DPYD: variants seen among roughly 807,000 people sequenced by gnomAD.
DPYD encodes the protein dihydropyrimidine dehydrogenase, also known as dihydropyrimidine dehydrogenase [NADP(+)].
In DPYD, 109 loss-of-function variants were observed where a neutral mutation model predicts 116.2. The observed-to-expected ratio is 0.94, with a 90% CI of 0.80 to 1.10. The LOEUF is 1.10. Among genes scored for constraint, DPYD ranks in the 50% least tolerant of loss-of-function variants. The pLI is 0.00. For missense variants in DPYD, 1,302 were observed against 1,254.5 expected (o/e 1.04, Z -0.57); for synonymous variants, 440 against 432.0 (o/e 1.02, Z -0.23).
At chr1:97,232,541 T>C (rs1661651340) in intron 19 of DPYD, among the ~76,000 whole-genome samples, 1 of 152,174 alleles carries the variant, frequency 6.6e-6, no homozygotes. Flanking sequence ...TTACATCTTT[T>C]GTTATAGTCC....
intron 2 of DPYD, among the ~76,000 whole-genome samples, chr1:97,864,501 T>C (rs934777171): frequency 4.0e-5 from 6 of 151,772 alleles, no homozygotes; most frequent in African/African-American, 1.5e-4. Flanking sequence ...AGAAGTCTAG[T>C]AGGCATCTCT....
intron 20 of DPYD, among the ~76,000 whole-genome samples, chr1:97,141,579 T>C (rs572597986): frequency 4.8e-4 from 73 of 152,268 alleles, no homozygotes; most frequent in African/African-American, 1.7e-3. Flanking sequence ...CTTCCATACT[T>C]TTGAGCTCCC....
intron 22 of DPYD, among the ~76,000 whole-genome samples, chr1:97,080,316 A>AT (rs978756946): frequency 2.0e-5 from 3 of 151,784 alleles, no homozygotes; most frequent in African/African-American, 4.8e-5. Context: ...CATTATTTTG[A>AT]TTTTTTTCCT....
At chr1:97,572,280 C>A (rs1424851570) in intron 11 of DPYD, among the ~76,000 whole-genome samples, 2 of 151,868 alleles carry the variant, frequency 1.3e-5, no homozygotes, top group Admixed American at 6.6e-5. Context: ...TAACTTAAAT[C>A]TTTTATTCTT....
At chr1:97,837,698 G>GT (rs574209591) in intron 2 of DPYD, among the ~76,000 whole-genome samples, 97 of 152,128 alleles carry the variant, frequency 6.4e-4, no homozygotes, top group Non-Finnish European at 1.3e-3. Flanking sequence ...TTCTAAAATT[G>GT]TAAGTATTAG....
intron 10 of DPYD, among the ~76,000 whole-genome samples, chr1:97,587,033 T>C (rs1654175014): frequency 1.3e-5 from 2 of 152,190 alleles, no homozygotes; most frequent in African/African-American, 2.4e-5. Flanking sequence ...ACTAATTTTA[T>C]AGATGGGCAT....
chr1:97,273,337 A>G (rs1294073081), intron 18 of DPYD, among the ~76,000 whole-genome samples: 1 of 152,178 alleles, frequency 6.6e-6, no homozygotes, highest in African/African-American at 2.4e-5. Flanking sequence ...TCTTTGCAAA[A>G]AAGGAATGCA....
intron 12 of DPYD, among the ~76,000 whole-genome samples, chr1:97,518,278 T>C (rs1269357755): frequency 6.6e-6 from 1 of 152,100 alleles, no homozygotes; most frequent in East Asian, 1.9e-4. Flanking sequence ...CTACTATGTA[T>C]ATGTGTTTAT....
chr1:97,359,541 G>T (rs555892298), intron 16 of DPYD, among the ~76,000 whole-genome samples: 1 of 152,282 alleles, frequency 6.6e-6, no homozygotes, highest in South Asian at 2.1e-4. Flanking sequence ...AGGAAAAAAT[G>T]TTAAGGGCAG....
intron 8 of DPYD, among the ~76,000 whole-genome samples, chr1:97,619,162 T>G (rs1002123764): frequency 6.6e-6 from 1 of 152,220 alleles, no homozygotes; most frequent in African/African-American, 2.4e-5. Flanking sequence ...AAATCTTACA[T>G]TCTAGAAAAG....
chr1:97,568,573 C>A (rs1652689162), intron 11 of DPYD, among the ~76,000 whole-genome samples: 1 of 151,834 alleles, frequency 6.6e-6, no homozygotes, highest in Non-Finnish European at 1.5e-5. Context: ...CCACTCTCAG[C>A]CAATATACCA....
chr1:97,702,110 A>G (rs529593850), intron 5 of DPYD, among the ~76,000 whole-genome samples: 2 of 151,802 alleles, frequency 1.3e-5, no homozygotes, highest in African/African-American at 4.8e-5. Flanking sequence ...ATTCCTTTCT[A>G]AGCAATGTGA....
chr1:97,506,379 T>C (rs959575392), intron 13 of DPYD, among the ~76,000 whole-genome samples: 4 of 151,914 alleles, frequency 2.6e-5, no homozygotes, highest in Non-Finnish European at 4.4e-5. Flanking sequence ...ACCCAAAATA[T>C]GGAGATTTTT....
chr1:97,675,126 C>G (rs894097665), intron 8 of DPYD, among the ~76,000 whole-genome samples: 1 of 152,242 alleles, frequency 6.6e-6, no homozygotes, highest in South Asian at 2.1e-4. Context: ...TTGATATGTT[C>G]TATTCTATTA....
rs891483616 is a variant in DPYD at position 97,165,822 on chromosome 1, G to A, written c.2622+27247C>T. 7.6e-4 allele frequency among the ~76,000 whole-genome samples: 115 copies of A among 152,100 alleles called. 2 individuals are homozygous for A. The highest frequency in any genetic ancestry group is 4.6e-4 in the Non-Finnish European group (31 of 67,992). ...TGGCCAACAAGTATATGAAAACAAA[G>A]CTCAATATTTCTGATCATTAGATAA... On this transcript the variant is annotated intron_variant, in intron 20 of 22. Transcript: ENST00000370192.
At chr1:97,414,141 A>C (rs116747202) in intron 14 of DPYD, among the ~76,000 whole-genome samples, 2,124 of 152,204 alleles carry the variant, frequency 0.014, 25 homozygotes, top group Non-Finnish European at 0.021. Flanking sequence ...AAAAACAAAA[A>C]ACACACACAC....
intron 19 of DPYD, among the ~76,000 whole-genome samples, chr1:97,214,424 T>C (rs182540369): frequency 1.1e-4 from 17 of 152,262 alleles, no homozygotes; most frequent in Admixed American, 9.2e-4. Context: ...AGTAGGCCAA[T>C]GAATAAAAGA....
intron 16 of DPYD, among the ~76,000 whole-genome samples, chr1:97,337,193 A>G (rs980497749): frequency 6.6e-6 from 1 of 152,170 alleles, no homozygotes; most frequent in African/African-American, 2.4e-5. Context: ...AGAGGCAGAA[A>G]TGAAAAATGT....
chr1:97,588,293 A>G (rs1432247412), intron 10 of DPYD, among the ~76,000 whole-genome samples: 2 of 152,186 alleles, frequency 1.3e-5, no homozygotes, highest in Non-Finnish European at 2.9e-5. Flanking sequence ...TTAAAGATCA[A>G]TCGTGTTTTG....
Sources: gnomAD v4.1 joint callset for allele counts (sites outside exome capture counted in the v4.1 genomes callset) on GRCh38, gnomAD v4.1.1 for gene constraint, MANE v1.5 for transcripts, NCBI Gene and HGNC (gene_info 2026-07-23, HGNC 2026-07-21) for gene names.